The following ERCC2 variants were observed in gnomAD, a reference collection of about 807,000 sequenced individuals.
The protein encoded by ERCC2 is ERCC excision repair 2, TFIIH core complex helicase subunit, also known as general transcription and DNA repair factor IIH helicase subunit XPD.
In ERCC2, 90 loss-of-function variants were observed where a neutral mutation model predicts 99.4. That is an observed-to-expected ratio of 0.91 (90% CI 0.76 to 1.08). The LOEUF (loss-of-function observed/expected upper bound fraction) is 1.08. ERCC2 is among the 50% of genes least tolerant of loss of function. The probability of loss-of-function intolerance (pLI) is 0.00; values close to 1 mark genes in which losing one functional copy is unlikely to be tolerated. For synonymous variants in ERCC2, 497 were observed against 432.4 expected (o/e 1.15, Z -1.85); for missense variants, 993 against 1,038.1 (o/e 0.96, Z 0.60).
chr19:45,353,496 GGA>G (rs1971901891), intron 17 of ERCC2, among the ~76,000 whole-genome samples, 162 bp from the exon 18 acceptor site: 1 of 152,144 alleles, frequency 6.6e-6, no homozygotes, highest in Non-Finnish European at 1.5e-5. Flanking sequence ...AGTTCTTTGG[GGA>G]AACAGTGATC....
At position 45,350,697 on chromosome 19, in the gene ERCC2, T is replaced by G. The variant is rs1568527896; in HGVS notation, c.*932A>C. 2 of 1,613,614 alleles carry G rather than the reference T, an allele frequency of 1.2e-6. No homozygotes were observed. Among genetic ancestry groups the G allele is most frequent in the Non-Finnish European group, 1.7e-6 (2 of 1,179,872 alleles). On this transcript the variant is annotated 3_prime_UTR_variant, in exon 23 of 23. Transcript: ENST00000391945. ...TCCGTGAGTCTATCAGGCGAGGAAGTGAGAAGCTGGTCTCCCGGCTCCGAG... is the reference window on the plus strand; with the variant it reads ...TCCGTGAGTCTATCAGGCGAGGAAGGGAGAAGCTGGTCTCCCGGCTCCGAG...
Position 45,364,554 on chromosome 19 carries a change from G to C in ERCC2, c.595-7C>G. 1 of 1,612,436 alleles carries C rather than the reference G, an allele frequency of 6.2e-7. No homozygotes were observed. The highest frequency in any genetic ancestry group is 8.5e-7 in the Non-Finnish European group (1 of 1,179,982). The stretch of plus-strand genomic sequence containing the variant: ...CCACATTGGCATGCAGGATCTGGGG[G>C]GCCGGGGAGCAGGGTTACCAGGGCC... On this transcript the variant is annotated splice_polypyrimidine_tract_variant and splice_region_variant and intron_variant, in intron 7 of 22. Transcript: ENST00000391945.
Position 45,351,116 on chromosome 19 carries a change from GTGGTGGGT to G in ERCC2, c.*505_*512del. On this transcript the variant is annotated 3_prime_UTR_variant, in exon 23 of 23. Coordinates refer to ENST00000391945, the MANE Select transcript of ERCC2 (RefSeq NM_000400.4). ...GTCGGGCCAGTGGTGGAGTCAGCAG[GTGGTGGGT>G]TGGTGTCAGAAGAGACCCAGGACAG... The G allele has an allele frequency of 6.2e-7, 1 of 1,607,376 alleles. No individual in the cohort carries two copies. The highest frequency in any genetic ancestry group is 1.1e-5 in the South Asian group (1 of 90,406).
At chr19:45,367,362 TATATATACACACACACACAC>T (rs1030461355) in intron 5 of ERCC2, among the ~76,000 whole-genome samples, 2 of 55,962 alleles carry the variant, frequency 3.6e-5, no homozygotes, top group African/African-American at 1.0e-4. Flanking sequence ...AAAATATATA[TATATATACACACACACACAC>T]ACACACACAC....
intron 11 of ERCC2, among the ~76,000 whole-genome samples, chr19:45,363,402 G>C (rs1972294584): frequency 6.6e-6 from 1 of 152,124 alleles, no homozygotes; most frequent in Non-Finnish European, 1.5e-5. Flanking sequence ...CCCTGCCGCT[G>C]TGGCCTGGCT....
Position 45,351,297 on chromosome 19 carries a change from G to C in ERCC2, c.*332C>G. 2 of 1,612,552 alleles carry C rather than the reference G, an allele frequency of 1.2e-6. No homozygotes were observed. The highest frequency in any genetic ancestry group is 1.1e-5 in the South Asian group (1 of 91,074). ...GTGCCTGTCTCCAGTTTCCCAGCTGGCACCTGGACAAGGCCCCTCGGACCC... is the reference window on the plus strand; with the variant it reads ...GTGCCTGTCTCCAGTTTCCCAGCTGCCACCTGGACAAGGCCCCTCGGACCC... On this transcript the variant is annotated 3_prime_UTR_variant, in exon 23 of 23. Transcript: ENST00000391945.
intron 5 of ERCC2, among the ~76,000 whole-genome samples, chr19:45,365,416 A>C (rs1972392815): frequency 1.3e-5 from 2 of 152,152 alleles, no homozygotes; most frequent in African/African-American, 4.8e-5. Context: ...GGAGTTCGAG[A>C]CCAGCCTGGC....
intron 17 of ERCC2, 67 bp from the exon 18 acceptor site, chr19:45,353,401 T>C: frequency 9.7e-7 from 1 of 1,025,850 alleles, no homozygotes; most frequent in East Asian, 2.5e-5. Context: ...ATCCAACTCT[T>C]CTGGGGACTC....
In ERCC2 at chr19:45,350,613, C is replaced by A. The variant is rs368179138; in HGVS notation, c.*1016G>T. 6 of 1,613,050 alleles carry A rather than the reference C, an allele frequency of 3.7e-6. No homozygotes were observed. Among genetic ancestry groups the A allele is most frequent in the Non-Finnish European group, 5.1e-6 (6 of 1,179,280 alleles). ...GTGGGGACTGCATGGGCCTGGGGGA[C>A]TGAGCAGCATCCCCGGCCCCTCCCC... On this transcript the variant is annotated 3_prime_UTR_variant, in exon 23 of 23. Coordinates refer to ENST00000391945, the MANE Select transcript of ERCC2 (RefSeq NM_000400.4).
chr19:45,358,624 G>T, intron 12 of ERCC2: 1 of 559,550 alleles, frequency 1.8e-6, no homozygotes, highest in Non-Finnish European at 3.2e-6. Flanking sequence ...CTTTATACTT[G>T]CTGGTCCCAT....
In ERCC2 at chr19:45,359,076, A is replaced by C. The variant is rs140451480; in HGVS notation, c.1238-1377T>G. ...GTAGGAGACAGACTTGTCCTCAGATAGTGATGACTGAGAGTGGGCAGTGCT... is the reference window on the plus strand; with the variant it reads ...GTAGGAGACAGACTTGTCCTCAGATCGTGATGACTGAGAGTGGGCAGTGCT... On this transcript the variant is annotated intron_variant, in intron 12 of 22. Coordinates refer to ENST00000391945, the MANE Select transcript of ERCC2 (RefSeq NM_000400.4). 1,003 of 599,264 alleles carry C rather than the reference A, an allele frequency of 1.7e-3. 2 individuals are homozygous for C. Among genetic ancestry groups the C allele is most frequent in the African/African-American group, 0.016 (879 of 53,998 alleles). The allele number at this position is 599,264 out of a possible 1,614,324, so 37.1% of individuals were successfully genotyped here.
Position 45,355,725 on chromosome 19 carries a change from T to A in ERCC2, c.1483A>T (p.Ile495Phe). The A allele has an allele frequency of 6.2e-7, 1 of 1,613,834 alleles. No homozygotes were observed. Among genetic ancestry groups the A allele is most frequent in the Non-Finnish European group, 8.5e-7 (1 of 1,179,970 alleles). Residue 495 changes from isoleucine (I) to phenylalanine (F), a missense_variant, in exon 16 of 23, where the codon ATC (isoleucine) becomes TTC (phenylalanine). Physicochemically the swap from Ile to Phe is conservative, Grantham distance 21. Transcript: ENST00000391945. ...LARVCLCPMI[I>F]GRGNDQVAIS... is the part of the protein sequence containing the mutation. Reference sequence around the variant, plus strand: ...GCCACCTGGTCATTGCCACGGCCGATGATCTGGAGAGCAACAGAGGTCACG... The same window carrying A: ...GCCACCTGGTCATTGCCACGGCCGAAGATCTGGAGAGCAACAGAGGTCACG...
chr19:45,365,764 C>G (rs1460357895), intron 5 of ERCC2, among the ~76,000 whole-genome samples: 30 of 148,614 alleles, frequency 2.0e-4, no homozygotes, highest in Admixed American at 2.0e-3. Context: ...GTACTCCACC[C>G]TGGGCCACGG....
chr19:45,359,517 G>A (rs149950214), intron 12 of ERCC2, among the ~76,000 whole-genome samples: 24 of 152,268 alleles, frequency 1.6e-4, no homozygotes, highest in African/African-American at 5.5e-4. Flanking sequence ...GATGGGGAGG[G>A]AACACCGGCC....
At position 45,350,938 on chromosome 19, in the gene ERCC2, G is replaced by T. The variant is rs368232994; in HGVS notation, c.*691C>A. ...TCCTGGATTCACTCATTTCCTCCCT[G>T]CTGCCCTCTTTGCAGAATGAAGAGA... On this transcript the variant is annotated 3_prime_UTR_variant, in exon 23 of 23. Coordinates refer to ENST00000391945, the MANE Select transcript of ERCC2 (RefSeq NM_000400.4). 1.9e-6 allele frequency: 3 copies of T among 1,613,286 alleles called. No homozygotes were observed. In the East Asian group the frequency reaches 6.7e-5, roughly 36 times the overall value.
chr19:45,359,705 C>T (rs989670179), intron 12 of ERCC2, among the ~76,000 whole-genome samples: 1 of 152,188 alleles, frequency 6.6e-6, no homozygotes, highest in African/African-American at 2.4e-5. Context: ...CACATCCTGG[C>T]CAAGGCCCCT....
intron 11 of ERCC2, 103 bp from the exon 12 acceptor site, chr19:45,361,745 C>G (rs1243956553): frequency 1.2e-6 from 1 of 838,342 alleles, no homozygotes; most frequent in Non-Finnish European, 2.0e-6. Context: ...TCTCCCCAGC[C>G]AATGAGCACT....
chr19:45,350,529 G>A lies in ERCC2; in HGVS notation c.*1100C>T. On this transcript the variant is annotated 3_prime_UTR_variant, in exon 23 of 23. Transcript: ENST00000391945. ...TTCCCCCTAGGTGCCCCCAACACAG[G>A]CACAGCTGGTGACGCAGAACAGGTG... is the stretch of plus-strand genomic sequence containing the variant. The A allele has an allele frequency of 2.5e-6, 4 of 1,613,770 alleles. No individual in the cohort carries two copies. Among genetic ancestry groups the A allele is most frequent in the Non-Finnish European group, 3.4e-6 (4 of 1,179,934 alleles).
intron 12 of ERCC2, among the ~76,000 whole-genome samples, chr19:45,359,996 A>C (rs1222906029): frequency 2.0e-5 from 3 of 151,496 alleles, no homozygotes; most frequent in Admixed American, 6.6e-5. Context: ...GCTGGTCTCG[A>C]ACTCCTGACC....
Sources: gnomAD v4.1 joint callset for allele counts (sites outside exome capture counted in the v4.1 genomes callset) on GRCh38, gnomAD v4.1.1 for gene constraint, MANE v1.5 for transcripts, NCBI Gene and HGNC (gene_info 2026-07-23, HGNC 2026-07-21) for gene names.